Variants in FBXL7 observed in about 807,000 individuals in gnomAD.
The protein encoded by FBXL7 is F-box/LRR-repeat protein 7.
A neutral mutation model predicts 38.3 loss-of-function variants in FBXL7; 12 were observed. The observed-to-expected ratio is 0.31, with a 90% CI of 0.20 to 0.51. The LOEUF (loss-of-function observed/expected upper bound fraction) is 0.51, where lower values mean the gene tolerates loss of function less well. FBXL7 is among the 20% of genes least tolerant of loss of function. The pLI is 0.98. For missense variants in FBXL7, 567 were observed against 676.4 expected (o/e 0.84, Z 1.79); for synonymous variants, 297 against 300.9 (o/e 0.99, Z 0.13).
chr5:15,621,755 C>T (rs1326003806), intron 2 of FBXL7, among the ~76,000 whole-genome samples: 3 of 152,108 alleles, frequency 2.0e-5, no homozygotes, highest in Admixed American at 1.3e-4. Context: ...TTAAGTAGGA[C>T]GCATATTCAA....
At chr5:15,554,401 C>A (rs1419638849) in intron 1 of FBXL7, among the ~76,000 whole-genome samples, 1 of 152,180 alleles carries the variant, frequency 6.6e-6, no homozygotes, top group East Asian at 1.9e-4. Flanking sequence ...TCGTAACTAC[C>A]AACTGTAAAC....
chr5:15,890,177 G>T (rs945298818), intron 2 of FBXL7, among the ~76,000 whole-genome samples: 1 of 152,092 alleles, frequency 6.6e-6, no homozygotes, highest in Non-Finnish European at 1.5e-5. Context: ...CACAGCAGGA[G>T]GTGAGCAGCT....
At chr5:15,842,464 G>C (rs1434515559) in intron 2 of FBXL7, among the ~76,000 whole-genome samples, 5 of 152,152 alleles carry the variant, frequency 3.3e-5, no homozygotes, top group Admixed American at 3.3e-4. Context: ...TCTCAGATGA[G>C]ACTTTTGAGT....
At chr5:15,662,666 T>C (rs1215659977) in intron 2 of FBXL7, among the ~76,000 whole-genome samples, 2 of 152,228 alleles carry the variant, frequency 1.3e-5, no homozygotes, top group Non-Finnish European at 2.9e-5. Context: ...CATCTTGAAT[T>C]CATTTTTGTA....
chr5:15,634,377 A>G (rs1741109367), intron 2 of FBXL7, among the ~76,000 whole-genome samples: 2 of 139,832 alleles, frequency 1.4e-5, no homozygotes, highest in African/African-American at 5.4e-5. Flanking sequence ...TCTGGAGTGC[A>G]GCAGTGCGAT....
rs1412710111 is a variant in FBXL7 at position 15,567,696 on chromosome 5, T to A, written c.38-48287T>A. On this transcript the variant is annotated intron_variant, in intron 1 of 3. Coordinates refer to ENST00000504595, the MANE Select transcript of FBXL7 (RefSeq NM_012304.5). ...GTGCCATGTTGGTGTGCTGCACCCA[T>A]TAACTCATCATTTAACATTAGGTAT... Among the ~76,000 whole-genome samples the A allele has an allele frequency of 2.0e-5, 3 of 152,010 alleles. No individual in the cohort carries two copies. In the East Asian group the frequency reaches 5.8e-4, roughly 29 times the overall value.
At chr5:15,576,864 T>C (rs930241430) in intron 1 of FBXL7, among the ~76,000 whole-genome samples, 12 of 152,198 alleles carry the variant, frequency 7.9e-5, no homozygotes, top group Non-Finnish European at 1.5e-4. Context: ...TTTATCTGTC[T>C]GTCTTTCCCA....
intron 2 of FBXL7, among the ~76,000 whole-genome samples, chr5:15,647,027 A>T (rs1379312163): frequency 6.6e-6 from 1 of 152,182 alleles, no homozygotes; most frequent in Non-Finnish European, 1.5e-5. Context: ...AAGTTCTCTG[A>T]TTACCATTTC....
rs1741957478 is a variant in FBXL7, at chr5:15,928,556, C to T, written c.739+55C>T. ...GCCCTCCTGGTGCACCATCCTAAAA[C>T]AGTGGGGACAGTGCCACCACCGGAG... On this transcript the variant is annotated intron_variant, in intron 3 of 3. Coordinates refer to ENST00000504595, the MANE Select transcript of FBXL7 (RefSeq NM_012304.5). This position sits in a 1 kb window ranked among gnomAD's most constrained non-coding sequence, Gnocchi z 4.0. The T allele has an allele frequency of 6.5e-7, 1 of 1,549,254 alleles. No individual in the cohort carries two copies. The highest frequency in any genetic ancestry group is 1.8e-5 in the Admixed American group (1 of 56,316).
intron 2 of FBXL7, among the ~76,000 whole-genome samples, chr5:15,864,453 T>C (rs929977238): frequency 1.0e-4 from 15 of 144,294 alleles, no homozygotes; most frequent in East Asian, 6.5e-4. Context: ...TTTATAGCAA[T>C]CCAAATGGAC....
intron 1 of FBXL7, among the ~76,000 whole-genome samples, chr5:15,519,453 A>C (rs77823946): frequency 0.055 from 8,018 of 146,326 alleles, 503 homozygotes; most frequent in African/African-American, 0.17. Flanking sequence ...ACAAAAAAAA[A>C]AAACAAACAA....
At chr5:15,918,864 G>A (rs1251495423) in intron 2 of FBXL7, among the ~76,000 whole-genome samples, 1 of 152,216 alleles carries the variant, frequency 6.6e-6, no homozygotes, top group East Asian at 1.9e-4. Flanking sequence ...GAGTCCTAAA[G>A]CTAACTCCCT....
intron 1 of FBXL7, among the ~76,000 whole-genome samples, chr5:15,547,692 C>T (rs1580363497): frequency 2.0e-5 from 3 of 152,274 alleles, no homozygotes; most frequent in South Asian, 4.1e-4. Context: ...GGTCATTGGG[C>T]CTGCTGGGCT....
At chr5:15,924,872 C>T (rs1017899449) in intron 2 of FBXL7, among the ~76,000 whole-genome samples, 2 of 152,154 alleles carry the variant, frequency 1.3e-5, no homozygotes, top group Non-Finnish European at 2.9e-5. Flanking sequence ...AGTGATCCAC[C>T]CACCTCAGCC....
At chr5:15,566,438 C>T (rs893319054) in intron 1 of FBXL7, among the ~76,000 whole-genome samples, 1 of 152,060 alleles carries the variant, frequency 6.6e-6, no homozygotes, top group East Asian at 1.9e-4. Context: ...TTAATTTTCC[C>T]CAAGGATGTC....
At chr5:15,525,755 G>T (rs1279169642) in intron 1 of FBXL7, among the ~76,000 whole-genome samples, 1 of 152,158 alleles carries the variant, frequency 6.6e-6, no homozygotes, top group South Asian at 2.1e-4. Flanking sequence ...GATAAGAAGA[G>T]ACTTTTGAAC....
intron 2 of FBXL7, among the ~76,000 whole-genome samples, chr5:15,782,110 C>T (rs907743272): frequency 1.3e-4 from 20 of 152,248 alleles, no homozygotes; most frequent in African/African-American, 4.6e-4. Context: ...TGTTAGTTTG[C>T]TGAGAATGAG....
intron 1 of FBXL7, among the ~76,000 whole-genome samples, chr5:15,554,507 A>G (rs978355545): frequency 1.3e-5 from 2 of 152,200 alleles, no homozygotes; most frequent in South Asian, 4.1e-4. Flanking sequence ...TTCTGTTTTT[A>G]TATCCCTTTT....
intron 2 of FBXL7, among the ~76,000 whole-genome samples, chr5:15,837,162 T>G (rs941958122): frequency 1.3e-5 from 2 of 152,208 alleles, no homozygotes; most frequent in African/African-American, 4.8e-5. Flanking sequence ...ATTATAACAC[T>G]CAAATGTGAA....
Sources: gnomAD v4.1 joint callset for allele counts (sites outside exome capture counted in the v4.1 genomes callset) on GRCh38, gnomAD v4.1.1 for gene constraint, Gnocchi (gnomAD v3.1) non-coding constraint, MANE v1.5 for transcripts, NCBI Gene and HGNC (gene_info 2026-07-23, HGNC 2026-07-21) for gene names.